Variants in ARHGEF4 observed in about 807,000 individuals in gnomAD.
The protein encoded by ARHGEF4 is APC-stimulated guanine nucleotide exchange factor 1.
ARHGEF4 carries 119 observed loss-of-function variants against 162.0 expected under a neutral mutation model. The observed-to-expected ratio is 0.73, with a 90% CI of 0.63 to 0.86. The LOEUF is 0.86. Ranked by LOEUF, ARHGEF4 falls within the 40% of genes least tolerant of loss-of-function variation. ARHGEF4 has a pLI of 0.00. For missense variants in ARHGEF4, 2,488 were observed against 2,456.0 expected (o/e 1.01, Z -0.28); for synonymous variants, 1,014 against 979.9 (o/e 1.03, Z -0.65).
chr2:130,916,887 C>G lies in ARHGEF4; in HGVS notation c.2941C>G (p.Pro981Ala). The G allele has an allele frequency of 6.4e-7, 1 of 1,550,462 alleles. No homozygotes were observed. Among genetic ancestry groups the G allele is most frequent in the Non-Finnish European group, 8.7e-7 (1 of 1,146,978 alleles). Reference protein sequence around the residue: ...SLPLGPEVLSPAETDSHCEER... With the variant: ...SLPLGPEVLSAAETDSHCEER... ...GCCTCTAGGACCCGAAGTTCTCTCC[C>G]CAGCAGAGACCGACAGCCACTGTGA... The change falls in exon 2 of 14, where the codon CCA becomes GCA. Residue 981 changes from proline (P) to alanine (A), a missense_variant. Transcript: ENST00000409359.
chr2:130,922,562 T>C (rs537839041), intron 2 of ARHGEF4, among the ~76,000 whole-genome samples: 1 of 152,264 alleles, frequency 6.6e-6, no homozygotes, highest in South Asian at 2.1e-4. Flanking sequence ...TTTATGGAAG[T>C]AACACCGGTT....
intron 2 of ARHGEF4, among the ~76,000 whole-genome samples, chr2:130,924,477 A>G (rs1559043010): frequency 6.6e-6 from 1 of 152,166 alleles, no homozygotes; most frequent in Non-Finnish European, 1.5e-5. Flanking sequence ...TCTGTTGGCC[A>G]GGCTGGTCTC....
At chr2:130,992,241 TAAG>T (rs1021465879) in intron 4 of ARHGEF4, among the ~76,000 whole-genome samples, 1 of 152,150 alleles carries the variant, frequency 6.6e-6, no homozygotes, top group Non-Finnish European at 1.5e-5. Flanking sequence ...TGGGGCCAGA[TAAG>T]AGAATAAAAG....
chr2:131,032,859 T>C (rs1489609677), intron 5 of ARHGEF4, among the ~76,000 whole-genome samples: 4 of 146,554 alleles, frequency 2.7e-5, no homozygotes, highest in East Asian at 2.0e-4. Context: ...TTTTTTTTTT[T>C]TTTTTTTTTT....
intron 1 of ARHGEF4, among the ~76,000 whole-genome samples, chr2:130,887,878 G>A (rs996739379): frequency 2.0e-4 from 30 of 152,160 alleles, no homozygotes; most frequent in African/African-American, 7.0e-4. Context: ...CATGGGCTGG[G>A]GCCGAATGTC....
chr2:130,980,149 C>A (rs1017055368), intron 4 of ARHGEF4, among the ~76,000 whole-genome samples: 1 of 152,114 alleles, frequency 6.6e-6, no homozygotes, highest in African/African-American at 2.4e-5. Flanking sequence ...GTATCCCCAG[C>A]AATTTGGGAT....
intron 2 of ARHGEF4, among the ~76,000 whole-genome samples, chr2:130,924,170 C>T (rs904134141): frequency 1.2e-4 from 18 of 151,986 alleles, no homozygotes; most frequent in African/African-American, 2.9e-4. Flanking sequence ...CTTGAGCCAC[C>T]GCTCCCGGCC....
chr2:130,974,653 G>A (rs1685584700), intron 4 of ARHGEF4, among the ~76,000 whole-genome samples: 1 of 150,596 alleles, frequency 6.6e-6, no homozygotes, highest in African/African-American at 2.4e-5. Flanking sequence ...GTAGAGACAG[G>A]GTTTCGCTAT....
intron 2 of ARHGEF4, among the ~76,000 whole-genome samples, chr2:130,917,713 A>G (rs920037808): frequency 6.6e-6 from 1 of 151,798 alleles, no homozygotes; most frequent in Non-Finnish European, 1.5e-5. Context: ...TTGGCATTTC[A>G]TGATCATTTC....
At chr2:131,015,502 G>A (rs1688717431) in intron 4 of ARHGEF4, among the ~76,000 whole-genome samples, 1 of 152,194 alleles carries the variant, frequency 6.6e-6, no homozygotes, top group Non-Finnish European at 1.5e-5. Context: ...GGGAGCCCTG[G>A]TGTGGGTGCC....
chr2:131,024,167 C>T (rs755524987), intron 4 of ARHGEF4, among the ~76,000 whole-genome samples: 4 of 152,164 alleles, frequency 2.6e-5, no homozygotes, highest in Admixed American at 6.5e-5. Context: ...AGACCATTGA[C>T]GGAAACTGGA....
At position 130,914,727 on chromosome 2, in the gene ARHGEF4, AAC is replaced by A. The variant is rs1342057543; in HGVS notation, c.785_786del (p.Thr262SerfsTer49). The A allele has an allele frequency of 7.1e-7, 1 of 1,416,088 alleles. No individual in the cohort carries two copies. The highest frequency in any genetic ancestry group is 9.2e-7 in the Non-Finnish European group (1 of 1,091,240). 87.7% of individuals were successfully genotyped at this position (1,416,088 alleles called of 1,614,324 possible). On this transcript the variant is annotated frameshift_variant, in exon 2 of 14. Transcript: ENST00000409359. LOFTEE classifies it high-confidence loss of function. ...LVLPSRGPLDNTAPLGTRTKK... is the reference protein window; with the variant it reads ...LVLPSRGPLDXTAPLGTRTKK... ...GCTACCTAGCAGAGGCCCACTGGAC[AAC>A]ACAGCCCCTCTGGGGACCAGGACAA...
intron 1 of ARHGEF4, among the ~76,000 whole-genome samples, chr2:130,903,262 T>C (rs902009900): frequency 6.6e-6 from 1 of 151,002 alleles, no homozygotes; most frequent in Non-Finnish European, 1.5e-5. Context: ...TTTTTTCTTT[T>C]TTCTTTTTTT....
At chr2:130,963,991 C>T (rs1042826484) in intron 4 of ARHGEF4, 4 of 210,090 alleles carry the variant, frequency 1.9e-5, no homozygotes, top group Non-Finnish European at 1.6e-5. Flanking sequence ...CGCCGCACCG[C>T]CGCCCCCGGC....
At chr2:130,846,005 C>T (rs1341382509) in intron 1 of ARHGEF4, among the ~76,000 whole-genome samples, 1 of 152,132 alleles carries the variant, frequency 6.6e-6, no homozygotes, top group Non-Finnish European at 1.5e-5. Flanking sequence ...TCGAAACCCT[C>T]AGGTTGTGCT....
intron 3 of ARHGEF4, among the ~76,000 whole-genome samples, chr2:130,938,283 C>A (rs928632612): frequency 3.3e-5 from 5 of 152,164 alleles, no homozygotes; most frequent in African/African-American, 1.2e-4. Flanking sequence ...TTTACATTCC[C>A]ACCAGTAATG....
At position 130,915,718 on chromosome 2, in the gene ARHGEF4, C is replaced by A; in HGVS notation, c.1772C>A (p.Ala591Glu). 6 of 1,549,710 alleles carry A rather than the reference C, an allele frequency of 3.9e-6. No individual in the cohort carries two copies. Among genetic ancestry groups the A allele is most frequent in the Non-Finnish European group, 5.2e-6 (6 of 1,146,436 alleles). ...TTGCAAGGTCTTTCAGAATTCAAGG[C>A]AGCCACGGTGTCTCACTGCGGCCCC... is the stretch of plus-strand genomic sequence containing the variant. ...QALQGLSEFK[A>E]ATVSHCGPGA... Residue 591 changes from alanine (A) to glutamate (E), a missense_variant, in exon 2 of 14, where the codon GCA becomes GAA. Transcript: ENST00000409359.
chr2:130,923,713 G>A (rs1042265530), intron 2 of ARHGEF4, among the ~76,000 whole-genome samples: 1 of 152,138 alleles, frequency 6.6e-6, no homozygotes, highest in Non-Finnish European at 1.5e-5. Flanking sequence ...GGCACCCTTG[G>A]CTTGGAGATT....
intron 4 of ARHGEF4, among the ~76,000 whole-genome samples, chr2:131,008,784 T>G (rs1688280910): frequency 6.6e-6 from 1 of 152,196 alleles, no homozygotes; most frequent in Non-Finnish European, 1.5e-5. Context: ...TTTACCACTT[T>G]ATATAAAATG....
Sources: allele counts gnomAD v4.1 joint callset (sites outside exome capture counted in the v4.1 genomes callset), GRCh38; gene constraint gnomAD v4.1.1; transcripts MANE v1.5; gene names NCBI Gene and HGNC (gene_info 2026-07-23, HGNC 2026-07-21).